The following GNA12 variants were observed in gnomAD, a reference collection of about 807,000 sequenced individuals.
GNA12 encodes guanine nucleotide-binding protein subunit alpha-12.
In GNA12, 9 loss-of-function variants were observed where a neutral mutation model predicts 26.0. The ratio of observed to expected loss-of-function variants is 0.35; its 90% CI spans 0.21 to 0.60. The LOEUF is 0.60. GNA12 is among the 20% of genes least tolerant of loss of function. The pLI, the probability that GNA12 is intolerant of heterozygous loss-of-function variation, is 0.78. For synonymous variants in GNA12, 264 were observed against 219.6 expected (o/e 1.20, Z -1.79); for missense variants, 405 against 525.8 (o/e 0.77, Z 2.25).
chr7:2,832,060 A>G (rs1778690002), intron 1 of GNA12, among the ~76,000 whole-genome samples: 1 of 152,176 alleles, frequency 6.6e-6, no homozygotes, highest in Non-Finnish European at 1.5e-5. Flanking sequence ...CTGAGCATCA[A>G]ACTGTTTTGT....
chr7:2,827,858 T>C (rs1318113728), intron 1 of GNA12, among the ~76,000 whole-genome samples: 1 of 152,234 alleles, frequency 6.6e-6, no homozygotes, highest in Non-Finnish European at 1.5e-5. Context: ...GATTGAAGTC[T>C]TTTAACCTAC....
chr7:2,772,306 A>T (rs1178894938), intron 2 of GNA12, among the ~76,000 whole-genome samples: 1 of 152,202 alleles, frequency 6.6e-6, no homozygotes, highest in Non-Finnish European at 1.5e-5. Flanking sequence ...TCACGCCTGT[A>T]ATCCCAGCAC....
chr7:2,777,353 A>G (rs937344465), intron 2 of GNA12, among the ~76,000 whole-genome samples: 1 of 152,274 alleles, frequency 6.6e-6, no homozygotes, highest in Non-Finnish European at 1.5e-5. Context: ...TCTTAGTTCA[A>G]TTATACCAGA....
chr7:2,800,511 G>C (rs1792783376), intron 1 of GNA12, among the ~76,000 whole-genome samples: 1 of 152,196 alleles, frequency 6.6e-6, no homozygotes, highest in African/African-American at 2.4e-5. Context: ...TAACCACTGG[G>C]AAAAACTGCC....
intron 1 of GNA12, among the ~76,000 whole-genome samples, chr7:2,801,110 C>T (rs73678411): frequency 6.6e-6 from 1 of 152,186 alleles, no homozygotes; most frequent in African/African-American, 2.4e-5. Context: ...TGCGGCCCAG[C>T]CTGGCAACAG....
intron 1 of GNA12, among the ~76,000 whole-genome samples, chr7:2,809,083 G>A (rs1257493265): frequency 1.3e-5 from 2 of 152,030 alleles, no homozygotes; most frequent in Non-Finnish European, 2.9e-5. Context: ...TCCTTCCCAC[G>A]CTCCATCCTC....
At chr7:2,831,144 C>A (rs1229067766) in intron 1 of GNA12, among the ~76,000 whole-genome samples, 1 of 151,752 alleles carries the variant, frequency 6.6e-6, no homozygotes. Context: ...CTAGTGCGTT[C>A]CAGCAGTCCT....
chr7:2,813,921 C>T (rs189939998), intron 1 of GNA12, among the ~76,000 whole-genome samples: 26 of 152,226 alleles, frequency 1.7e-4, no homozygotes, highest in African/African-American at 6.3e-4. Flanking sequence ...GACTGCCCTC[C>T]CCAAGTGGCT....
At chr7:2,837,745 G>A (rs1425666112) in intron 1 of GNA12, among the ~76,000 whole-genome samples, 8 of 151,978 alleles carry the variant, frequency 5.3e-5, no homozygotes, top group African/African-American at 1.5e-4. Flanking sequence ...CAAACTGATC[G>A]TTAAAGAATG....
At chr7:2,772,756 T>C (rs944582888) in intron 2 of GNA12, among the ~76,000 whole-genome samples, 5 of 151,928 alleles carry the variant, frequency 3.3e-5, no homozygotes, top group African/African-American at 1.2e-4. Context: ...TTTGGAGAAA[T>C]AGTTGGCAAA....
At chr7:2,783,698 A>G (rs1562426068) in intron 2 of GNA12, among the ~76,000 whole-genome samples, 1 of 132,092 alleles carries the variant, frequency 7.6e-6, no homozygotes, top group Admixed American at 8.0e-5. Context: ...TTATTTATTT[A>G]TTTTGAGATG....
chr7:2,799,797 T>A (rs1161317908), intron 1 of GNA12, among the ~76,000 whole-genome samples: 2 of 151,900 alleles, frequency 1.3e-5, no homozygotes, highest in Non-Finnish European at 2.9e-5. Context: ...AAAAAGCAGA[T>A]CGAGACCTCA....
intron 1 of GNA12, among the ~76,000 whole-genome samples, chr7:2,843,240 T>A (rs1220265668): frequency 6.6e-6 from 1 of 152,142 alleles, no homozygotes; most frequent in Admixed American, 6.5e-5. Context: ...AATGGACAGA[T>A]ACCATTCTGC....
intron 1 of GNA12, among the ~76,000 whole-genome samples, chr7:2,817,567 T>C (rs971598373): frequency 6.6e-6 from 1 of 152,240 alleles, no homozygotes; most frequent in African/African-American, 2.4e-5. Flanking sequence ...CATTATATAT[T>C]TCTTCACTTA....
chr7:2,787,726 CG>C (rs532980081), intron 2 of GNA12, among the ~76,000 whole-genome samples: 45 of 152,208 alleles, frequency 3.0e-4, no homozygotes, highest in Admixed American at 8.5e-4. Flanking sequence ...GGGGAGAGGC[CG>C]GGGGTAAGTG....
chr7:2,806,585 C>G (rs1004884608), intron 1 of GNA12, among the ~76,000 whole-genome samples: 1 of 151,314 alleles, frequency 6.6e-6, no homozygotes, highest in East Asian at 1.9e-4. Context: ...AAAATTAAAT[C>G]CTTAAAAATA....
intron 1 of GNA12, among the ~76,000 whole-genome samples, chr7:2,800,141 T>C (rs1288414471): frequency 6.6e-6 from 1 of 152,214 alleles, no homozygotes; most frequent in Non-Finnish European, 1.5e-5. Context: ...CCATGGACCA[T>C]TACCCAGCAA....
intron 2 of GNA12, among the ~76,000 whole-genome samples, chr7:2,742,269 G>C (rs1411950970): frequency 1.3e-5 from 2 of 152,128 alleles, no homozygotes; most frequent in African/African-American, 2.4e-5. Flanking sequence ...GCCCGCCTCA[G>C]CCTCCCAAAG....
chr7:2,772,976 G>A (rs1280215756), intron 2 of GNA12, among the ~76,000 whole-genome samples: 1 of 152,204 alleles, frequency 6.6e-6, no homozygotes, highest in African/African-American at 2.4e-5. Context: ...ACCAATCCAC[G>A]TAGCAACACA....
Sources: gnomAD v4.1 joint callset for allele counts (sites outside exome capture counted in the v4.1 genomes callset) on GRCh38, gnomAD v4.1.1 for gene constraint, MANE v1.5 for transcripts, NCBI Gene and HGNC (gene_info 2026-07-23, HGNC 2026-07-21) for gene names.